Variants in TCF7L2 observed in about 807,000 individuals in gnomAD.
The protein encoded by TCF7L2 is transcription factor 7 like 2.
Under a neutral mutation model 77.9 loss-of-function variants are expected in TCF7L2, and 23 were observed. The observed-to-expected ratio is 0.30, with a 90% confidence interval of 0.21 to 0.42. The LOEUF (loss-of-function observed/expected upper bound fraction) is 0.42, where lower values mean the gene tolerates loss of function less well. Among genes scored for constraint, TCF7L2 ranks in the 10% least tolerant of loss-of-function variants. The pLI is 1.00. For missense variants in TCF7L2, 654 were observed against 793.1 expected, an observed-to-expected ratio of 0.82 and a Z score of 2.11; for synonymous variants, 413 against 340.2, an observed-to-expected ratio of 1.21 and a Z score of -2.36.
chr10:113,029,157 G>A (rs150820819), intron 4 of TCF7L2, among the ~76,000 whole-genome samples: 1 of 152,090 alleles, frequency 6.6e-6, no homozygotes, highest in South Asian at 2.1e-4. Flanking sequence ...GAGGTCACAG[G>A]GTACTAGAGA....
chr10:113,060,201 A>AG (rs995024592), intron 5 of TCF7L2, among the ~76,000 whole-genome samples: 31 of 152,344 alleles, frequency 2.0e-4, no homozygotes, highest in Middle Eastern at 6.8e-3. Context: ...TTAGTGATAA[A>AG]GGGGGGCAGC....
At chr10:113,096,842 G>A (rs1221874574) in intron 5 of TCF7L2, among the ~76,000 whole-genome samples, 2 of 152,154 alleles carry the variant, frequency 1.3e-5, no homozygotes, top group East Asian at 3.9e-4. Context: ...CCCTCCAGAG[G>A]GGAGGGTGGG....
At chr10:113,112,954 C>T (rs184795618) in intron 5 of TCF7L2, among the ~76,000 whole-genome samples, 111 of 152,178 alleles carry the variant, frequency 7.3e-4, no homozygotes, top group African/African-American at 2.1e-3. Flanking sequence ...TTTGTCATTG[C>T]GGTTTATAAA....
chr10:113,152,537 G>A, intron 11 of TCF7L2, 97 bp downstream of exon 11: 2 of 1,002,934 alleles, frequency 2.0e-6, no homozygotes, highest in Non-Finnish European at 3.0e-6. Context: ...ACTAGGGTGG[G>A]CCTCAGGACC....
intron 13 of TCF7L2, chr10:113,160,741 C>CCGGTACCTT (rs1278124925): frequency 6.6e-7 from 1 of 1,513,788 alleles, no homozygotes; most frequent in Admixed American, 2.0e-5. Context: ...TTCTGTCCTT[C>CCGGTACCTT]CGGTACCTTA....
intron 5 of TCF7L2, among the ~76,000 whole-genome samples, chr10:113,089,999 A>G (rs2060204111): frequency 6.6e-6 from 1 of 152,204 alleles, no homozygotes; most frequent in African/African-American, 2.4e-5. Flanking sequence ...GTGCTGGAAA[A>G]TGCCCACTTT....
chr10:112,994,694 A>G (rs2043155421), intron 4 of TCF7L2, among the ~76,000 whole-genome samples: 1 of 152,192 alleles, frequency 6.6e-6, no homozygotes, highest in Non-Finnish European at 1.5e-5. Context: ...TTTGATTGCC[A>G]GAAACAATAT....
rs373938587 is a variant in TCF7L2, at chr10:113,097,291, A to C, written c.553-43893A>C. On this transcript the variant is annotated intron_variant, in intron 5 of 13. Transcript: ENST00000627217. ...AGCAGCTTGTAACCAACCAGGGGGA[A>C]GTCCTGTGTGTAGGTTGTCACAACT... 7.9e-5 allele frequency among the ~76,000 whole-genome samples: 12 copies of C among 152,288 alleles called. No individual in the cohort carries two copies. The East Asian group carries it at 1.9e-3, about 25-fold the overall frequency.
At chr10:113,037,134 A>G (rs191045353) in intron 4 of TCF7L2, among the ~76,000 whole-genome samples, 5 of 152,282 alleles carry the variant, frequency 3.3e-5, no homozygotes, top group Non-Finnish European at 7.4e-5. Context: ...CACCAATTGT[A>G]GAAGATGAAG....
At chr10:113,050,284 TG>T (rs2134527905) in intron 5 of TCF7L2, among the ~76,000 whole-genome samples, 1 of 152,210 alleles carries the variant, frequency 6.6e-6, no homozygotes, top group East Asian at 1.9e-4. Flanking sequence ...GCTCAGGTGC[TG>T]GGGTGAAAAA....
At chr10:113,030,702 C>T (rs552097444) in intron 4 of TCF7L2, among the ~76,000 whole-genome samples, 1 of 152,334 alleles carries the variant, frequency 6.6e-6, no homozygotes, top group South Asian at 2.1e-4. Flanking sequence ...CTGTCTTGCT[C>T]TGTCTGCTGA....
intron 5 of TCF7L2, among the ~76,000 whole-genome samples, chr10:113,045,848 T>C (rs896390180): frequency 6.6e-6 from 1 of 152,212 alleles, no homozygotes; most frequent in Admixed American, 6.5e-5. Flanking sequence ...TAGCAGCCAC[T>C]GAGTCAGAAC....
At chr10:113,071,043 G>A (rs1452916949) in intron 5 of TCF7L2, among the ~76,000 whole-genome samples, 2 of 152,162 alleles carry the variant, frequency 1.3e-5, no homozygotes, top group African/African-American at 4.8e-5. Flanking sequence ...TAGGCCCGTG[G>A]TCTTTTGTAA....
chr10:113,042,692 A>G (rs2052667813), intron 5 of TCF7L2, among the ~76,000 whole-genome samples: 1 of 152,202 alleles, frequency 6.6e-6, no homozygotes, highest in Admixed American at 6.5e-5. Context: ...GTTGACCTCT[A>G]TCCACCTGGT....
intron 5 of TCF7L2, among the ~76,000 whole-genome samples, chr10:113,061,067 C>T (rs181517012): frequency 6.6e-6 from 1 of 152,044 alleles, no homozygotes; most frequent in Non-Finnish European, 1.5e-5. Context: ...GTGCGTTTAC[C>T]CTCCTCCCTT....
chr10:112,995,759 G>T (rs955075744), intron 4 of TCF7L2, among the ~76,000 whole-genome samples: 3 of 152,146 alleles, frequency 2.0e-5, no homozygotes, highest in African/African-American at 7.2e-5. Flanking sequence ...GCTGGCGCCT[G>T]CCCCTGGGGT....
At chr10:113,058,932 G>T (rs973040385) in intron 5 of TCF7L2, among the ~76,000 whole-genome samples, 1 of 152,168 alleles carries the variant, frequency 6.6e-6, no homozygotes, top group Non-Finnish European at 1.5e-5. Context: ...ACAGGAAACG[G>T]TGCTCACTGC....
chr10:113,126,513 A>C (rs961088027), intron 5 of TCF7L2: 5 of 971,538 alleles, frequency 5.1e-6, no homozygotes, highest in Admixed American at 6.2e-5. Context: ...TGTTCTTTTG[A>C]TTGAATGCCG....
At chr10:112,976,412 T>A (rs1012433762) in intron 4 of TCF7L2, among the ~76,000 whole-genome samples, 13 of 152,258 alleles carry the variant, frequency 8.5e-5, no homozygotes, top group African/African-American at 3.1e-4. Context: ...TGCATTTCTC[T>A]TATGTCACTG....
Sources: gnomAD v4.1 joint callset for allele counts (sites outside exome capture counted in the v4.1 genomes callset) on GRCh38, gnomAD v4.1.1 for gene constraint, MANE v1.5 for transcripts, NCBI Gene and HGNC (gene_info 2026-07-23, HGNC 2026-07-21) for gene names.